Variants in CPNE8 observed in about 807,000 individuals in gnomAD.
The protein encoded by CPNE8 is copine-8.
CPNE8 carries 45 observed loss-of-function variants against 81.5 expected under a neutral mutation model. The ratio of observed to expected loss-of-function variants is 0.55; its 90% CI spans 0.44 to 0.71. CPNE8 has a LOEUF of 0.71. CPNE8 is among the 30% of genes least tolerant of loss of function. The pLI is 0.00. For synonymous variants in CPNE8, 252 were observed against 226.3 expected, an observed-to-expected ratio of 1.11 and a Z score of -1.02; for missense variants, 594 against 672.1, an observed-to-expected ratio of 0.88 and a Z score of 1.28.
chr12:38,730,455 T>A, intron 10 of CPNE8, 97 bp from the exon 11 acceptor site: 2 of 587,118 alleles, frequency 3.4e-6, no homozygotes, highest in South Asian at 4.8e-5. Context: ...ATCAAAAAAA[T>A]GCTTGATATT....
At chr12:38,880,933 G>A (rs758796220) in intron 1 of CPNE8, among the ~76,000 whole-genome samples, 25 of 152,068 alleles carry the variant, frequency 1.6e-4, no homozygotes, top group Non-Finnish European at 2.6e-4. Flanking sequence ...AAAAAAGGCC[G>A]GGAGCGGTGG....
intron 10 of CPNE8, among the ~76,000 whole-genome samples, chr12:38,736,160 A>T (rs536117501): frequency 1.3e-5 from 2 of 151,736 alleles, no homozygotes; most frequent in African/African-American, 4.8e-5. Flanking sequence ...TTTTTAAAAG[A>T]TATAATTATC....
intron 7 of CPNE8, among the ~76,000 whole-genome samples, chr12:38,768,232 A>T (rs78894651): frequency 0.023 from 3,553 of 152,100 alleles, 68 homozygotes; most frequent in Non-Finnish European, 0.038. Flanking sequence ...GAGACAGAAA[A>T]GTTCCTACTT....
chr12:38,901,113 C>T (rs557961963), intron 1 of CPNE8, among the ~76,000 whole-genome samples: 3 of 152,060 alleles, frequency 2.0e-5, no homozygotes, highest in Admixed American at 6.6e-5. Context: ...CTCAGCTACT[C>T]GAGAGGCTGA....
At chr12:38,684,982 A>G (rs1019309959) in intron 16 of CPNE8, among the ~76,000 whole-genome samples, 2 of 152,222 alleles carry the variant, frequency 1.3e-5, no homozygotes, top group African/African-American at 4.8e-5. Context: ...TCTCAGTACT[A>G]TGTACCATAT....
intron 7 of CPNE8, among the ~76,000 whole-genome samples, chr12:38,767,998 G>A (rs1235440830): frequency 6.6e-6 from 1 of 151,946 alleles, no homozygotes; most frequent in Admixed American, 6.6e-5. Context: ...GTGATATTAA[G>A]CTAGGTGATG....
At chr12:38,762,859 TTTTG>T (rs1299628371) in intron 8 of CPNE8, among the ~76,000 whole-genome samples, 2 of 152,044 alleles carry the variant, frequency 1.3e-5, no homozygotes, top group African/African-American at 4.8e-5. Flanking sequence ...AATGTTTTTG[TTTTG>T]TTTGTTTATT....
chr12:38,786,774 A>G (rs1445106309), intron 6 of CPNE8, among the ~76,000 whole-genome samples: 9 of 152,164 alleles, frequency 5.9e-5, no homozygotes, highest in Admixed American at 3.9e-4. Context: ...AAAGGGGTCA[A>G]TTAAGCAAGG....
chr12:38,902,311 GGAAGGAAAGAAAGAAAGAAAGAAA>G (rs1944480578), intron 1 of CPNE8, among the ~76,000 whole-genome samples: 2 of 32,630 alleles, frequency 6.1e-5, no homozygotes, highest in East Asian at 1.2e-3. Context: ...AAGGAAGGAA[GGAAGGAAAGAAAGAAAGAAAGAAA>G]GAAAGAAAGA....
chr12:38,740,467 G>A (rs1941071839), intron 10 of CPNE8, among the ~76,000 whole-genome samples: 1 of 152,148 alleles, frequency 6.6e-6, no homozygotes, highest in African/African-American at 2.4e-5. Context: ...TCCCTGTCTT[G>A]TGCCGGTTTT....
At chr12:38,774,148 C>T (rs180741136) in intron 7 of CPNE8, among the ~76,000 whole-genome samples, 119 of 152,110 alleles carry the variant, frequency 7.8e-4, no homozygotes, top group Middle Eastern at 3.4e-3. Flanking sequence ...GAGAGTAGAA[C>T]TGAAAGTGGA....
chr12:38,838,816 G>A (rs1480533496), intron 5 of CPNE8, among the ~76,000 whole-genome samples: 1 of 152,026 alleles, frequency 6.6e-6, no homozygotes, highest in South Asian at 2.1e-4. Context: ...CAATGAAGGG[G>A]GCAGCAGTAA....
At chr12:38,778,921 A>T (rs1174706444) in intron 6 of CPNE8, among the ~76,000 whole-genome samples, 1 of 152,152 alleles carries the variant, frequency 6.6e-6, no homozygotes, top group Non-Finnish European at 1.5e-5. Flanking sequence ...TGCACATGTC[A>T]AGATCTTCCA....
At chr12:38,773,490 A>C (rs1941853595) in intron 7 of CPNE8, among the ~76,000 whole-genome samples, 1 of 152,098 alleles carries the variant, frequency 6.6e-6, no homozygotes, top group African/African-American at 2.4e-5. Context: ...TACCTAATAA[A>C]CTGGTTTAAA....
chr12:38,779,304 T>C (rs1310910716), intron 6 of CPNE8, among the ~76,000 whole-genome samples: 1 of 152,126 alleles, frequency 6.6e-6, no homozygotes, highest in Non-Finnish European at 1.5e-5. Flanking sequence ...CTGATTTTTA[T>C]GGTTACTTAG....
chr12:38,685,156 G>A (rs1056827835), intron 16 of CPNE8, among the ~76,000 whole-genome samples: 3 of 152,208 alleles, frequency 2.0e-5, no homozygotes, highest in South Asian at 2.1e-4. Flanking sequence ...TGTGATATTA[G>A]ATAAGAATGA....
chr12:38,667,834 G>T (rs1482400545), intron 19 of CPNE8, among the ~76,000 whole-genome samples: 1 of 151,556 alleles, frequency 6.6e-6, no homozygotes, highest in Non-Finnish European at 1.5e-5. Flanking sequence ...TTTCGCTCTT[G>T]TTGTCCAGGC....
intron 6 of CPNE8, among the ~76,000 whole-genome samples, chr12:38,798,492 C>A (rs1201377783): frequency 6.6e-6 from 1 of 151,898 alleles, no homozygotes; most frequent in Non-Finnish European, 1.5e-5. Context: ...TACAGACAAG[C>A]AAATGCTGAG....
At chr12:38,703,763 C>A (rs185826334) in intron 13 of CPNE8, among the ~76,000 whole-genome samples, 1 of 152,254 alleles carries the variant, frequency 6.6e-6, no homozygotes, top group East Asian at 1.9e-4. Context: ...GATACAAAAT[C>A]ATGTACAAAA....
Sources: gnomAD v4.1 joint callset for allele counts (sites outside exome capture counted in the v4.1 genomes callset) on GRCh38, gnomAD v4.1.1 for gene constraint, MANE v1.5 for transcripts, NCBI Gene and HGNC (gene_info 2026-07-23, HGNC 2026-07-21) for gene names.